The following KIAA0825 variants were observed in gnomAD, a reference collection of about 807,000 sequenced individuals.
KIAA0825 encodes the protein uncharacterized protein KIAA0825.
KIAA0825 carries 119 observed loss-of-function variants against 147.6 expected under a neutral mutation model. The observed-to-expected ratio is 0.81, with a 90% CI of 0.69 to 0.94. The LOEUF (loss-of-function observed/expected upper bound fraction) is 0.94. Ranked by LOEUF, KIAA0825 falls within the 40% of genes least tolerant of loss-of-function variation. The pLI, the probability that KIAA0825 is intolerant of heterozygous loss-of-function variation, is 0.00. For missense variants in KIAA0825, 1,381 were observed against 1,472.7 expected (o/e 0.94, Z 1.02); for synonymous variants, 470 against 518.1 (o/e 0.91, Z 1.26).
chr5:94,447,170 C>A (rs1003529866), intron 13 of KIAA0825, among the ~76,000 whole-genome samples: 1 of 151,874 alleles, frequency 6.6e-6, no homozygotes. Context: ...GTGTAAATTT[C>A]AAGAAGGTAG....
chr5:94,610,328 T>C (rs1788458948), intron 1 of KIAA0825, among the ~76,000 whole-genome samples: 1 of 146,640 alleles, frequency 6.8e-6, no homozygotes, highest in Non-Finnish European at 1.5e-5. Context: ...GCTGAGACAA[T>C]GAGAATTGCT....
intron 5 of KIAA0825, among the ~76,000 whole-genome samples, chr5:94,503,783 C>T (rs1423889181): frequency 6.6e-6 from 1 of 152,180 alleles, no homozygotes; most frequent in Non-Finnish European, 1.5e-5. Context: ...AAGGAAAGTC[C>T]TGCCACTGGG....
At chr5:94,277,854 G>T (rs1777288351) in intron 20 of KIAA0825, among the ~76,000 whole-genome samples, 1 of 152,072 alleles carries the variant, frequency 6.6e-6, no homozygotes, top group Non-Finnish European at 1.5e-5. Flanking sequence ...CAAAGACTTG[G>T]AACCAACCCA....
chr5:94,491,765 A>G (rs1189881306), intron 5 of KIAA0825, among the ~76,000 whole-genome samples: 1 of 152,236 alleles, frequency 6.6e-6, no homozygotes, highest in African/African-American at 2.4e-5. Flanking sequence ...TGCAGAACTG[A>G]ATTTCTTACT....
chr5:94,512,717 T>TA (rs1766675706), intron 5 of KIAA0825, among the ~76,000 whole-genome samples: 1 of 151,496 alleles, frequency 6.6e-6, no homozygotes, highest in South Asian at 2.1e-4. Context: ...ACATGGCTAC[T>TA]AAACCCCATC....
chr5:94,463,249 C>T (rs890627503), intron 11 of KIAA0825, among the ~76,000 whole-genome samples: 34 of 151,372 alleles, frequency 2.2e-4, no homozygotes, highest in African/African-American at 8.0e-4. Flanking sequence ...TTGAACAGAC[C>T]TCAGTTAGTT....
chr5:94,482,020 T>C (rs958405584), intron 6 of KIAA0825, among the ~76,000 whole-genome samples: 1 of 152,006 alleles, frequency 6.6e-6, no homozygotes, highest in African/African-American at 2.4e-5. Context: ...CCATAAGATA[T>C]CATCACCTAA....
At chr5:94,238,754 A>T (rs2150100467) in intron 20 of KIAA0825, among the ~76,000 whole-genome samples, 1 of 152,168 alleles carries the variant, frequency 6.6e-6, no homozygotes, top group Admixed American at 6.5e-5. Context: ...CTCTGCCTGC[A>T]TTCCCATGTT....
At chr5:94,399,426 A>G (rs1751085049) in intron 16 of KIAA0825, among the ~76,000 whole-genome samples, 1 of 152,084 alleles carries the variant, frequency 6.6e-6, no homozygotes. Context: ...CTCTACTGAT[A>G]TTTTATAAAC....
rs117765477 is a variant in KIAA0825, at chr5:94,443,446, T to C, written c.2358-3325A>G. Among the ~76,000 whole-genome samples, 288 of 152,068 alleles carry C rather than the reference T, an allele frequency of 1.9e-3. 6 individuals are homozygous for C. The East Asian group carries it at 0.051, about 27-fold the overall frequency. The stretch of plus-strand genomic sequence containing the variant: ...CGTAATACAAAGGGGGAAAATGTTA[T>C]AAATCCTATAGAACTCATAAATCTT... On this transcript the variant is annotated intron_variant, in intron 13 of 20. Coordinates refer to ENST00000682413, the MANE Select transcript of KIAA0825 (RefSeq NM_001145678.3).
intron 5 of KIAA0825, among the ~76,000 whole-genome samples, chr5:94,508,337 A>G (rs1766017838): frequency 6.6e-6 from 1 of 152,198 alleles, no homozygotes; most frequent in Non-Finnish European, 1.5e-5. Context: ...CATCTTCATT[A>G]CTGCTTGCTA....
chr5:94,554,336 C>T (rs1776121089), intron 2 of KIAA0825, among the ~76,000 whole-genome samples: 1 of 152,144 alleles, frequency 6.6e-6, no homozygotes, highest in Non-Finnish European at 1.5e-5. Flanking sequence ...TCTATTTATT[C>T]CTTATATTCT....
At chr5:94,186,118 G>T (rs1168447763) in intron 20 of KIAA0825, among the ~76,000 whole-genome samples, 5 of 152,084 alleles carry the variant, frequency 3.3e-5, no homozygotes, top group Admixed American at 3.3e-4. Context: ...TAATATATCT[G>T]CAGCAAAACA....
chr5:94,310,555 TGTG>T (rs1301976352), intron 20 of KIAA0825, among the ~76,000 whole-genome samples: 1 of 151,676 alleles, frequency 6.6e-6, no homozygotes, highest in African/African-American at 2.4e-5. Context: ...ATAAAAGTAA[TGTG>T]GTGGGAAAAC....
At chr5:94,386,456 G>T in intron 18 of KIAA0825, 52 bp from the exon 19 acceptor site, 1 of 1,449,244 alleles carries the variant, frequency 6.9e-7, no homozygotes, top group Non-Finnish European at 9.4e-7. Flanking sequence ...GACATTCTCT[G>T]TAAAAATAAA....
intron 20 of KIAA0825, among the ~76,000 whole-genome samples, chr5:94,197,830 G>A (rs1771279682): frequency 6.6e-6 from 1 of 152,106 alleles, no homozygotes; most frequent in South Asian, 2.1e-4. Context: ...ATTGGTCTAT[G>A]TGTCTGTCTT....
chr5:94,597,517 T>C (rs1785527744), intron 1 of KIAA0825, among the ~76,000 whole-genome samples: 1 of 152,120 alleles, frequency 6.6e-6, no homozygotes, highest in Admixed American at 6.5e-5. Flanking sequence ...CATAAAAGTG[T>C]TTGAAAGTAA....
chr5:94,414,408 A>G (rs951126970), intron 15 of KIAA0825: 4 of 152,188 alleles, frequency 2.6e-5, no homozygotes, highest in African/African-American at 2.4e-5. Context: ...TAGGTGTCCA[A>G]TGATTGTTAG....
At position 94,324,500 on chromosome 5, in the gene KIAA0825, A is replaced by C. The variant is rs1016487868; in HGVS notation, c.3710+59868T>G. ...AAAATAAATCCTACAATAGCATGGCAACAAATAAATATTCTTTGTTACTAC... is the reference window on the plus strand; with the variant it reads ...AAAATAAATCCTACAATAGCATGGCCACAAATAAATATTCTTTGTTACTAC... On this transcript the variant is annotated intron_variant, in intron 20 of 20. Transcript: ENST00000682413. Among the ~76,000 whole-genome samples, 7 of 152,122 alleles carry C rather than the reference A, an allele frequency of 4.6e-5. No homozygotes were observed. In the East Asian group the frequency reaches 1.3e-3, roughly 29 times the overall value.
Sources: gnomAD v4.1 joint callset for allele counts (sites outside exome capture counted in the v4.1 genomes callset) on GRCh38, gnomAD v4.1.1 for gene constraint, MANE v1.5 for transcripts, NCBI Gene and HGNC (gene_info 2026-07-23, HGNC 2026-07-21) for gene names.